DNAH11: variants seen among roughly 807,000 people sequenced by gnomAD.
DNAH11 encodes axonemal beta dynein heavy chain 11.
In DNAH11, 442 loss-of-function variants were observed where a neutral mutation model predicts 526.0. The observed-to-expected ratio is 0.84, with a 90% CI of 0.78 to 0.91. The LOEUF is 0.91. Ranked by LOEUF, DNAH11 falls within the 40% of genes least tolerant of loss-of-function variation. DNAH11 has a pLI of 0.00. For synonymous variants in DNAH11, 2,461 were observed against 1,935.9 expected, an observed-to-expected ratio of 1.27 and a Z score of -7.12; for missense variants, 6,989 against 5,448.7, an observed-to-expected ratio of 1.28 and a Z score of -8.90.
chr7:21,670,114 T>C (rs1296959616), intron 30 of DNAH11, among the ~76,000 whole-genome samples: 2 of 152,152 alleles, frequency 1.3e-5, no homozygotes, highest in African/African-American at 4.8e-5. Context: ...CCTCTAAATA[T>C]AAATTTTGGA....
chr7:21,850,608 C>CTTTTTTTTTTT (rs3062635), intron 66 of DNAH11, among the ~76,000 whole-genome samples: 8 of 62,656 alleles, frequency 1.3e-4, no homozygotes, highest in Non-Finnish European at 1.4e-4. Flanking sequence ...CTGTCTTCTT[C>CTTTTTTTTTTT]TTTTTTTTTT....
chr7:21,748,220 A>G (rs2128492490), intron 51 of DNAH11, among the ~76,000 whole-genome samples: 1 of 152,328 alleles, frequency 6.6e-6, no homozygotes, highest in East Asian at 1.9e-4. Flanking sequence ...GCAGTTGCTC[A>G]TGCCTGTAAT....
At chr7:21,584,824 A>G (rs1005885842) in intron 9 of DNAH11, among the ~76,000 whole-genome samples, 2 of 152,158 alleles carry the variant, frequency 1.3e-5, no homozygotes, top group Admixed American at 1.3e-4. Context: ...TCTTCACTTA[A>G]CAGAGTCATA....
chr7:21,677,390 T>C (rs1462392310), intron 30 of DNAH11, among the ~76,000 whole-genome samples: 2 of 152,122 alleles, frequency 1.3e-5, no homozygotes, highest in African/African-American at 4.8e-5. Flanking sequence ...GTAATCTTTT[T>C]TTATTTTTTG....
chr7:21,649,552 AGTAC>A (rs1267107048), intron 28 of DNAH11, among the ~76,000 whole-genome samples: 1 of 152,192 alleles, frequency 6.6e-6, no homozygotes, highest in Non-Finnish European at 1.5e-5. Context: ...GATGCAAAAG[AGTAC>A]GTACTATGTG....
chr7:21,840,183 G>C (rs1782150655), intron 65 of DNAH11, among the ~76,000 whole-genome samples: 1 of 152,122 alleles, frequency 6.6e-6, no homozygotes, highest in Non-Finnish European at 1.5e-5. Flanking sequence ...AAAAATTGTT[G>C]CTAATATTGT....
At chr7:21,562,869 A>C (rs1783523023) in intron 5 of DNAH11, among the ~76,000 whole-genome samples, 1 of 152,202 alleles carries the variant, frequency 6.6e-6, no homozygotes, top group South Asian at 2.1e-4. Flanking sequence ...CAGACAGATT[A>C]ATTGGTTACA....
intron 65 of DNAH11, among the ~76,000 whole-genome samples, chr7:21,823,571 A>AT (rs887916945): frequency 2.0e-5 from 3 of 151,836 alleles, no homozygotes; most frequent in Non-Finnish European, 2.9e-5. Flanking sequence ...TCATTTTGCC[A>AT]TTTTTTTCTC....
At chr7:21,564,807 G>A (rs554742765) in intron 6 of DNAH11, among the ~76,000 whole-genome samples, 1 of 151,924 alleles carries the variant, frequency 6.6e-6, no homozygotes, top group East Asian at 1.9e-4. Flanking sequence ...AAAAGTAGTA[G>A]AATTGTATTG....
rs117776585 is a variant in DNAH11, at chr7:21,786,961, G to A, written c.9741+194G>A. On this transcript the variant is annotated intron_variant, in intron 59 of 81. Coordinates refer to ENST00000409508, the MANE Select transcript of DNAH11 (RefSeq NM_001277115.2). ...AGTTGGAAGTTAGCTTGGGGTTATGGCATACCTAAGTCAATGCCAGCAGCA... is the reference window on the plus strand; with the variant it reads ...AGTTGGAAGTTAGCTTGGGGTTATGACATACCTAAGTCAATGCCAGCAGCA... 0.035 allele frequency among the ~76,000 whole-genome samples: 5,263 copies of A among 152,272 alleles called. 137 individuals carry two copies. The highest frequency in any genetic ancestry group is 0.056 in the Non-Finnish European group (3,782 of 68,020).
intron 35 of DNAH11, among the ~76,000 whole-genome samples, chr7:21,693,920 A>G (rs866851835): frequency 5.3e-5 from 8 of 152,336 alleles, no homozygotes; most frequent in Middle Eastern, 6.8e-3. Flanking sequence ...GGAAGCAAGC[A>G]TGTCTTACAA....
rs564884417 is a variant in DNAH11, at chr7:21,843,441, G to A, written c.10896+693G>A. Among the ~76,000 whole-genome samples, 14 of 150,882 alleles carry A rather than the reference G, an allele frequency of 9.3e-5. 1 individual carries two copies. The South Asian group carries it at 2.1e-3, about 23-fold the overall frequency. ...AGACAAAGGCATATAACTACACACA[G>A]ATTAAAAACTATAAAGGAATGCTAT... On this transcript the variant is annotated intron_variant, in intron 66 of 81. Coordinates refer to ENST00000409508, the MANE Select transcript of DNAH11 (RefSeq NM_001277115.2).
Position 21,687,469 on chromosome 7 carries a change from T to C in DNAH11, c.5866T>C (p.Ser1956Pro), listed in dbSNP as rs1783428900. The change falls in exon 34 of 82, where the codon TCA becomes CCA. Residue 1956 changes from serine to proline, a missense_variant. By Grantham distance (74) the Ser-to-Pro change is moderately conservative (BLOSUM62 -1). Coordinates refer to ENST00000409508, the MANE Select transcript of DNAH11 (RefSeq NM_001277115.2). ...EFNRISVEVLSVVAVQVKMIH... is the reference protein window; with the variant it reads ...EFNRISVEVLPVVAVQVKMIH... ...CAACCGAATCTCTGTGGAAGTTCTG[T>C]CAGTGGTGGCAGTACAAGTGAAAAT... is the stretch of plus-strand genomic sequence containing the variant. 6.2e-7 allele frequency: 1 copy of C among 1,613,904 alleles called. No homozygotes were observed. The highest frequency in any genetic ancestry group is 8.5e-7 in the Non-Finnish European group (1 of 1,179,906).
At chr7:21,597,838 G>A (rs1230277744) in intron 14 of DNAH11, among the ~76,000 whole-genome samples, 15 of 152,188 alleles carry the variant, frequency 9.9e-5, no homozygotes, top group Non-Finnish European at 1.6e-4. Flanking sequence ...TCAGCTGTAA[G>A]ATCTATACTT....
intron 20 of DNAH11, 27 bp from the exon 21 acceptor site, chr7:21,615,087 A>T (rs1456637264): frequency 6.3e-7 from 1 of 1,579,798 alleles, no homozygotes; most frequent in African/African-American, 1.4e-5. Flanking sequence ...GGCAGTTTGT[A>T]TGCAGGTGTT....
At chr7:21,715,697 T>C (rs1232963814) in intron 42 of DNAH11, among the ~76,000 whole-genome samples, 1 of 152,122 alleles carries the variant, frequency 6.6e-6, no homozygotes, top group African/African-American at 2.4e-5. Flanking sequence ...CAGTTTCTCC[T>C]TCTAAATTTA....
At chr7:21,726,930 C>CTTTTTTT (rs1562512161) in intron 45 of DNAH11, among the ~76,000 whole-genome samples, 2 of 27,138 alleles carry the variant, frequency 7.4e-5, no homozygotes, top group Non-Finnish European at 1.2e-4. Flanking sequence ...TCTGCATCCT[C>CTTTTTTT]TTTTCTTTTT....
rs374856649 is a variant in DNAH11 at position 21,655,954 on chromosome 7, C to T, written c.5067C>T (p.Phe1689=). 5 of 1,607,584 alleles carry T rather than the reference C, an allele frequency of 3.1e-6. No individual in the cohort carries two copies. The highest frequency in any genetic ancestry group is 3.4e-6 in the Non-Finnish European group (4 of 1,176,448). Residue 1689 remains phenylalanine, a synonymous_variant, in exon 29 of 82, where the codon TTC becomes TTT. Transcript: ENST00000409508. ...MYSKEKEYVP[F]QAECECVGHV... Reference sequence around the variant, plus strand: ...GCAAAGAAAAGGAGTATGTCCCATTCCAAGCCGAGTGTGAATGTGTGGGCC... The same window carrying T: ...GCAAAGAAAAGGAGTATGTCCCATTTCAAGCCGAGTGTGAATGTGTGGGCC...
intron 31 of DNAH11, among the ~76,000 whole-genome samples, 187 bp from the exon 32 acceptor site, chr7:21,683,597 C>T (rs1185653585): frequency 6.6e-6 from 1 of 152,162 alleles, no homozygotes; most frequent in Non-Finnish European, 1.5e-5. Flanking sequence ...AAAATGAAGA[C>T]TTATTACACG....
Sources: gnomAD v4.1 joint callset for allele counts (sites outside exome capture counted in the v4.1 genomes callset) on GRCh38, gnomAD v4.1.1 for gene constraint, MANE v1.5 for transcripts, NCBI Gene and HGNC (gene_info 2026-07-23, HGNC 2026-07-21) for gene names.